CTSC: variants seen among roughly 807,000 people sequenced by gnomAD.
The protein encoded by CTSC is dipeptidyl peptidase 1.
In CTSC, 37 loss-of-function variants were observed where a neutral mutation model predicts 40.9. The ratio of observed to expected loss-of-function variants is 0.91; its 90% CI spans 0.70 to 1.19. The LOEUF (loss-of-function observed/expected upper bound fraction) is 1.19. Among genes scored for constraint, CTSC ranks in the 50% most tolerant of loss-of-function variants. The pLI is 0.00. For synonymous variants in CTSC, 232 were observed against 207.4 expected (o/e 1.12, Z -1.02); for missense variants, 594 against 567.3 (o/e 1.05, Z -0.48).
intron 2 of CTSC, among the ~76,000 whole-genome samples, chr11:88,331,860 A>G (rs1040518045): frequency 2.0e-5 from 3 of 152,164 alleles, no homozygotes; most frequent in Non-Finnish European, 4.4e-5. Context: ...AAAGGAGGGT[A>G]GGAGAAGATC....
intron 4 of CTSC, among the ~76,000 whole-genome samples, chr11:88,304,860 G>A (rs1425428256): frequency 1.3e-5 from 2 of 152,156 alleles, no homozygotes; most frequent in Admixed American, 1.3e-4. Context: ...CACTTTGGGA[G>A]GCCAAGGTAG....
At chr11:88,322,877 C>T (rs543897575) in intron 2 of CTSC, 1 of 152,276 alleles carries the variant, frequency 6.6e-6, no homozygotes, top group South Asian at 2.1e-4. Context: ...TGAAACTATT[C>T]CAAACAATTG....
intron 2 of CTSC, chr11:88,322,307 TA>T (rs1401763490): frequency 6.6e-6 from 1 of 152,226 alleles, no homozygotes; most frequent in African/African-American, 2.4e-5. Flanking sequence ...GTCTTTCTCA[TA>T]AAATCTTTGC....
Position 88,335,088 on chromosome 11 carries a change from GAA to G in CTSC, c.173-8_173-7del, listed in dbSNP as rs11326739. On this transcript the variant is annotated splice_polypyrimidine_tract_variant and splice_region_variant and intron_variant, in intron 1 of 6. Coordinates refer to ENST00000227266, the MANE Select transcript of CTSC (RefSeq NM_001814.6). ...TACTTTTTTTTCTTGTGGTCCTAAA[GAA>G]AAAAAAAAAAAGCACAATAAAGGAA... 9.0e-4 allele frequency: 1,101 copies of G among 1,219,114 alleles called. No individual in the cohort carries two copies. The highest frequency in any genetic ancestry group is 1.0e-3 in the East Asian group (40 of 38,734). The allele number at this position is 1,219,114 out of a possible 1,614,324, so 75.5% of individuals were successfully genotyped here. A position where few individuals can be genotyped will look rare whatever the true frequency, so the allele number is the denominator to read the frequency against.
At chr11:88,333,703 A>C (rs1938419996) in intron 2 of CTSC, among the ~76,000 whole-genome samples, 1 of 82,696 alleles carries the variant, frequency 1.2e-5, no homozygotes, top group African/African-American at 6.2e-5. Context: ...GTTTTTTACA[A>C]AAAAAATGCG....
intron 3 of CTSC, among the ~76,000 whole-genome samples, chr11:88,309,809 TGCGC>T (rs371896864): frequency 4.4e-4 from 55 of 125,510 alleles, no homozygotes; most frequent in African/African-American, 1.5e-3. Flanking sequence ...TATATATGTA[TGCGC>T]GCACACACAC....
At chr11:88,313,849 G>T (rs539955610) in intron 2 of CTSC, among the ~76,000 whole-genome samples, 28 of 152,290 alleles carry the variant, frequency 1.8e-4, no homozygotes, top group African/African-American at 5.5e-4. Flanking sequence ...ATGATCAAAT[G>T]CAGGGTTTGG....
At chr11:88,324,615 GAT>G (rs779655629) in intron 2 of CTSC, 1 of 984,444 alleles carries the variant, frequency 1.0e-6, no homozygotes, top group Non-Finnish European at 1.2e-6. Flanking sequence ...AGGTGTTGAA[GAT>G]ATACAGGGAG....
At chr11:88,318,606 T>C (rs1414148027) in intron 2 of CTSC, among the ~76,000 whole-genome samples, 1 of 152,184 alleles carries the variant, frequency 6.6e-6, no homozygotes, top group East Asian at 1.9e-4. Context: ...TATATATTTC[T>C]AACATAAAAA....
chr11:88,330,648 G>GA (rs1260866441), intron 2 of CTSC, among the ~76,000 whole-genome samples: 2 of 151,878 alleles, frequency 1.3e-5, no homozygotes, highest in African/African-American at 2.4e-5. Context: ...GTGCCTGGCT[G>GA]AAAAAAATAT....
chr11:88,320,746 C>A (rs1937985012), intron 2 of CTSC: 1 of 920,412 alleles, frequency 1.1e-6, no homozygotes, highest in Admixed American at 6.2e-5. Context: ...TGAGGGCCCA[C>A]CATAGCCTCT....
chr11:88,293,658 G>T lies in CTSC; in HGVS notation c.*348C>A. ...TATTTTAAAAGTTTTGATAATTATT[G>T]CCATTATTTTCTTGTGATTGGTACA... On this transcript the variant is annotated 3_prime_UTR_variant, in exon 7 of 7. Transcript: ENST00000227266. The T allele has an allele frequency of 4.1e-6, 1 of 244,832 alleles. No homozygotes were observed. The highest frequency in any genetic ancestry group is 9.8e-5 in the East Asian group (1 of 10,250). The allele number at this position is 244,832 out of a possible 1,614,324, so 15.2% of individuals were successfully genotyped here.
Position 88,302,398 on chromosome 11 carries a change from C to G in CTSC, c.642-1753G>C, listed in dbSNP as rs561125092. On this transcript the variant is annotated intron_variant, in intron 4 of 6. Transcript: ENST00000227266. ...CCCAGCATTGGGAGGCCGAGGCGGGCGGATCACGAGGTCAGGAGATTGAGA... is the reference window on the plus strand; with the variant it reads ...CCCAGCATTGGGAGGCCGAGGCGGGGGGATCACGAGGTCAGGAGATTGAGA... Among the ~76,000 whole-genome samples the G allele has an allele frequency of 1.2e-4, 18 of 152,028 alleles. 1 individual carries two copies. Among genetic ancestry groups the G allele is most frequent in the African/African-American group, 4.3e-4 (18 of 41,498 alleles).
At chr11:88,325,727 T>C (rs1565262227) in intron 2 of CTSC, 14 of 985,382 alleles carry the variant, frequency 1.4e-5, no homozygotes, top group Middle Eastern at 1.0e-3. Context: ...GTGTTTACGA[T>C]ACCATCTTTC....
intron 2 of CTSC, among the ~76,000 whole-genome samples, chr11:88,331,115 G>A (rs375861330): frequency 6.6e-6 from 1 of 152,158 alleles, no homozygotes; most frequent in African/African-American, 2.4e-5. Context: ...AAAGACTTCG[G>A]TGACCCCAAA....
At chr11:88,326,849 A>T (rs1406677091) in intron 2 of CTSC, among the ~76,000 whole-genome samples, 1 of 152,242 alleles carries the variant, frequency 6.6e-6, no homozygotes, top group Non-Finnish European at 1.5e-5. Context: ...TCCCATTTAC[A>T]CAACAAATTA....
intron 2 of CTSC, chr11:88,321,064 C>A: frequency 1.0e-6 from 1 of 982,174 alleles, no homozygotes; most frequent in Non-Finnish European, 1.2e-6. Context: ...ATAATAAAAG[C>A]ATGTTGATGC....
chr11:88,294,748 TG>T (rs1944279510), intron 6 of CTSC, among the ~76,000 whole-genome samples: 1 of 152,180 alleles, frequency 6.6e-6, no homozygotes, highest in Non-Finnish European at 1.5e-5. Flanking sequence ...AGTGGTTAAG[TG>T]GGGAGGCTCT....
At chr11:88,294,624 G>C (rs931288182) in intron 6 of CTSC, 116 bp from the exon 7 acceptor site, 5 of 1,156,224 alleles carry the variant, frequency 4.3e-6, no homozygotes, top group East Asian at 2.5e-5. Flanking sequence ...GTTGTTCTTA[G>C]CTTAAGCATC....
Sources: allele counts gnomAD v4.1 joint callset (sites outside exome capture counted in the v4.1 genomes callset), GRCh38; gene constraint gnomAD v4.1.1; transcripts MANE v1.5; gene names NCBI Gene and HGNC (gene_info 2026-07-23, HGNC 2026-07-21).